DOK7: variants seen among roughly 807,000 people sequenced by gnomAD.
DOK7 encodes docking protein 7, also known as protein Dok-7.
Under a neutral mutation model 30.7 loss-of-function variants are expected in DOK7, and 32 were observed. The ratio of observed to expected loss-of-function variants is 1.04; its 90% CI spans 0.79 to 1.40. The LOEUF (loss-of-function observed/expected upper bound fraction) is 1.40. Among genes scored for constraint, DOK7 ranks in the 40% most tolerant of loss-of-function variants. DOK7 has a pLI of 0.00. For missense variants in DOK7, 1,007 were observed against 699.2 expected, an observed-to-expected ratio of 1.44 and a Z score of -4.97; for synonymous variants, 447 against 324.1, an observed-to-expected ratio of 1.38 and a Z score of -4.07.
Position 3,463,360 on chromosome 4 carries a change from G to A in DOK7, c.-16G>A, listed in dbSNP as rs1048076499. The A allele has an allele frequency of 1.4e-6, 2 of 1,466,714 alleles. No homozygotes were observed. Among genetic ancestry groups the A allele is most frequent in the Non-Finnish European group, 8.9e-7 (1 of 1,122,308 alleles). 90.9% of individuals were successfully genotyped at this position (1,466,714 alleles called of 1,614,324 possible). A position where few individuals can be genotyped will look rare whatever the true frequency, so the allele number is the denominator to read the frequency against. ...GGCGCCGGGGCGAGCGCGGCGGCGC[G>A]GAACCATGACAGAAGATGACCGAGG... On this transcript the variant is annotated 5_prime_UTR_variant, in exon 1 of 7. Transcript: ENST00000340083.
At chr4:3,497,058 G>A (rs1351563863), downstream of DOK7, among the ~76,000 whole-genome samples, 1 of 151,742 alleles carries the variant, frequency 6.6e-6, no homozygotes, top group South Asian at 2.1e-4. Context: ...GGTGTTGGGT[G>A]ACAGTTGACA....
At position 3,463,542 on chromosome 4, in the gene DOK7, C is replaced by A; in HGVS notation, c.91C>A (p.Pro31Thr). The A allele has an allele frequency of 6.6e-7, 1 of 1,510,922 alleles. No individual in the cohort carries two copies. The highest frequency in any genetic ancestry group is 8.8e-7 in the Non-Finnish European group (1 of 1,133,032). 93.6% of individuals were successfully genotyped at this position (1,510,922 alleles called of 1,614,324 possible). A position where few individuals can be genotyped will look rare whatever the true frequency, so the allele number is the denominator to read the frequency against. The change falls in exon 2 of 7, where the codon CCC (proline) becomes ACC (threonine). Residue 31 changes from proline (P) to threonine (T), a missense_variant. Physicochemically the swap from Pro to Thr is conservative, Grantham distance 38 (BLOSUM62 -1). Coordinates refer to ENST00000340083, the MANE Select transcript of DOK7 (RefSeq NM_173660.5). ...SRWLVLRKPS[P>T]VADCLLMLVY... ...GTGGCTGGTGCTGCGGAAGCCGTCG[C>A]CCGTGGCAGGTGAGCGGGGCGGGCG...
chr4:3,475,129 G>A (rs1471138184), intron 3 of DOK7, among the ~76,000 whole-genome samples: 2 of 152,196 alleles, frequency 1.3e-5, no homozygotes, highest in Non-Finnish European at 2.9e-5. Flanking sequence ...GGGAGGAGGT[G>A]CGGTTGGCTC....
intron 6 of DOK7, 74 bp downstream of exon 6, chr4:3,489,870 G>A (rs1728086938): frequency 1.3e-6 from 2 of 1,531,756 alleles, no homozygotes; most frequent in Non-Finnish European, 1.8e-6. Context: ...AGGCATCCAT[G>A]CATGTGTGGG....
intron 6 of DOK7, among the ~76,000 whole-genome samples, chr4:3,490,327 C>T (rs1209756586): frequency 1.0e-5 from 1 of 96,648 alleles, no homozygotes; most frequent in Non-Finnish European, 2.3e-5. Flanking sequence ...TCTTGCCTTA[C>T]CTCCATTCAT....
At chr4:3,494,928 C>T (rs1424102290), downstream of DOK7, among the ~76,000 whole-genome samples, 1 of 152,116 alleles carries the variant, frequency 6.6e-6, no homozygotes, top group Non-Finnish European at 1.5e-5. Context: ...TGCCCCCTCA[C>T]CCGCCACCCT....
At chr4:3,487,695 C>T (rs1255694387) in intron 5 of DOK7, among the ~76,000 whole-genome samples, 2 of 152,172 alleles carry the variant, frequency 1.3e-5, no homozygotes, top group Non-Finnish European at 2.9e-5. Flanking sequence ...TGTGGTGGAG[C>T]TGGGAGTCGA....
intron 2 of DOK7, among the ~76,000 whole-genome samples, chr4:3,467,459 C>T (rs919669747): frequency 6.7e-5 from 9 of 133,670 alleles, no homozygotes; most frequent in South Asian, 3.1e-4. Context: ...ACCCCCCCCC[C>T]CCACCCCAGA....
rs114948213 is a variant in DOK7, at chr4:3,476,303, T to C, written c.332-39T>C. The C allele has an allele frequency of 3.7e-3, 2,647 of 718,530 alleles. 340 individuals carry two copies. In the African/African-American group the frequency reaches 0.056, roughly 15 times the overall value. The allele number at this position is 718,530 out of a possible 1,614,324, so 44.5% of individuals were successfully genotyped here. The stretch of plus-strand genomic sequence containing the variant: ...ACCCGCCCGTGATGTCCTCTCACCC[T>C]GCCCGCCCGTGATGCCCTCTTGCCC... On this transcript the variant is annotated intron_variant, in intron 3 of 6. Transcript: ENST00000340083.
In DOK7 at chr4:3,487,439, T is replaced by C. The variant is rs548472610; in HGVS notation, c.652+1781T>C. On this transcript the variant is annotated intron_variant, in intron 5 of 6. Transcript: ENST00000340083. ...TGGGCTTTCTGCCGTCCTCCTGTGC[T>C]GAGCCCGCTGTGACCCACTGGAGGG... Among the ~76,000 whole-genome samples, 14 of 152,322 alleles carry C rather than the reference T, an allele frequency of 9.2e-5. No homozygotes were observed. In the South Asian group the frequency reaches 2.7e-3, roughly 29 times the overall value.
At position 3,476,529 on chromosome 4, in the gene DOK7, C is replaced by T. The variant is rs774920743; in HGVS notation, c.519C>T (p.Thr173=). The part of the protein sequence containing the change: ...VPSGFIFEGG[T]RCGYWAGVFF... ...GCGGATTCATCTTTGAAGGCGGGACCAGGTGTGGGTACTGTAAGTACGGAT... is the reference window on the plus strand; with the variant it reads ...GCGGATTCATCTTTGAAGGCGGGACTAGGTGTGGGTACTGTAAGTACGGAT... Residue 173 remains threonine, a synonymous_variant, in exon 4 of 7, where the codon ACC becomes ACT. Coordinates refer to ENST00000340083, the MANE Select transcript of DOK7 (RefSeq NM_173660.5). 5 of 1,613,934 alleles carry T rather than the reference C, an allele frequency of 3.1e-6. No individual in the cohort carries two copies. Among genetic ancestry groups the T allele is most frequent in the Non-Finnish European group, 4.2e-6 (5 of 1,180,032 alleles).
rs1008687235 is a variant in DOK7 at position 3,494,459 on chromosome 4, T to C, written c.*958T>C. On this transcript the variant is annotated 3_prime_UTR_variant, in exon 7 of 7. Transcript: ENST00000340083. ...AACCCAGACACTGTTTGTAATAGAC[T>C]GGAAATAAAATGTTCTTTCCTTACC... 5 of 985,372 alleles carry C rather than the reference T, an allele frequency of 5.1e-6. No homozygotes were observed. The highest frequency in any genetic ancestry group is 6.1e-5 in the Admixed American group (1 of 16,274). The allele number at this position is 985,372 out of a possible 1,614,324, so 61.0% of individuals were successfully genotyped here. A position where few individuals can be genotyped will look rare whatever the true frequency, so the allele number is the denominator to read the frequency against.
At chr4:3,485,343 T>A in intron 4 of DOK7, 196 bp from the exon 5 acceptor site, 1 of 624,088 alleles carries the variant, frequency 1.6e-6, no homozygotes, top group Non-Finnish European at 2.5e-6. Flanking sequence ...CAGAGCCAGG[T>A]GGGGTGTCGG....
chr4:3,496,917 G>C (rs1728941760), downstream of DOK7: 4 of 1,494,720 alleles, frequency 2.7e-6, no homozygotes, highest in African/African-American at 1.4e-5. Context: ...CGGGAGTCTG[G>C]GTGGGCGCAG....
At chr4:3,481,114 T>TGGA (rs1020066185) in intron 4 of DOK7, among the ~76,000 whole-genome samples, 2 of 148,340 alleles carry the variant, frequency 1.3e-5, no homozygotes, top group African/African-American at 5.0e-5. Flanking sequence ...GGCGTGAGGG[T>TGGA]GGAGGAGGAG....
intron 2 of DOK7, among the ~76,000 whole-genome samples, chr4:3,465,805 C>T (rs1340458737): frequency 1.3e-5 from 2 of 152,168 alleles, no homozygotes; most frequent in Non-Finnish European, 2.9e-5. Context: ...TGCGTGTCTG[C>T]GTCCCCTCTC....
At chr4:3,489,600 CAGGCTGGGCCTGGTGCCTGCGGGCG>C (rs1282458626) in intron 5 of DOK7, 52 bp from the exon 6 acceptor site, 6 of 1,548,760 alleles carry the variant, frequency 3.9e-6, no homozygotes, top group African/African-American at 2.7e-5. Flanking sequence ...ACCACTGAGT[CAGGCTGGGCCTGGTGCCTGCGGGCG>C]AGGGTGGGCG....
Position 3,463,451 on chromosome 4 carries a change from G to GGGGGA in DOK7, c.54+26_54+27insAGGGG, listed in dbSNP as rs1553844254. ...GAAGGTCGGGGCGCGTCGGGGGCGC[G>GGGGGA]GGGGGGGGGGGCGCGGGCGCGGGCG... On this transcript the variant is annotated intron_variant, in intron 1 of 6. Transcript: ENST00000340083. The GGGGGA allele has an allele frequency of 1.1e-4, 9 of 84,148 alleles. No homozygotes were observed. In the African/African-American group the frequency reaches 2.0e-3, roughly 18 times the overall value. 5.2% of individuals were successfully genotyped at this position (84,148 alleles called of 1,614,324 possible). A position where few individuals can be genotyped will look rare whatever the true frequency, so the allele number is the denominator to read the frequency against.
intron 4 of DOK7, among the ~76,000 whole-genome samples, chr4:3,482,651 C>G (rs1458357627): frequency 6.6e-6 from 1 of 152,284 alleles, no homozygotes; most frequent in African/African-American, 2.4e-5. Context: ...GCAGTCACAC[C>G]TGTGTGATAT....
Sources: gnomAD v4.1 joint callset for allele counts (sites outside exome capture counted in the v4.1 genomes callset) on GRCh38, gnomAD v4.1.1 for gene constraint, MANE v1.5 for transcripts, NCBI Gene and HGNC (gene_info 2026-07-23, HGNC 2026-07-21) for gene names.